DOCK2: variants seen among roughly 807,000 people sequenced by gnomAD.
DOCK2 encodes the protein dedicator of cytokinesis 2.
A neutral mutation model predicts 248.9 loss-of-function variants in DOCK2; 87 were observed. The observed-to-expected ratio is 0.35, with a 90% CI of 0.29 to 0.42. The LOEUF (loss-of-function observed/expected upper bound fraction) is 0.42, where lower values mean the gene tolerates loss of function less well. Among genes scored for constraint, DOCK2 ranks in the 10% least tolerant of loss-of-function variants. The pLI is 1.00. For missense variants in DOCK2, 1,747 were observed against 2,300.2 expected, an observed-to-expected ratio of 0.76 and a Z score of 4.92; for synonymous variants, 805 against 821.6, an observed-to-expected ratio of 0.98 and a Z score of 0.35.
Position 170,016,151 on chromosome 5 carries a change from T to G in DOCK2, c.3233-2809T>G, listed in dbSNP as rs182716875. Among the ~76,000 whole-genome samples, 4 of 152,344 alleles carry G rather than the reference T, an allele frequency of 2.6e-5. No homozygotes were observed. In the East Asian group the frequency reaches 7.7e-4, roughly 29 times the overall value. ...AGCAGATCCTCTCCCAAAGCCTGTG[T>G]AATCTGGCATTTGGATTTTTCCTGC... On this transcript the variant is annotated intron_variant, in intron 32 of 51. Transcript: ENST00000520908.
intron 27 of DOCK2, among the ~76,000 whole-genome samples, chr5:169,872,016 C>G (rs1772009417): frequency 6.6e-6 from 1 of 152,304 alleles, no homozygotes; most frequent in South Asian, 2.1e-4. Flanking sequence ...GTGGGTCCTG[C>G]TCTTTTATAA....
At chr5:170,016,133 C>A (rs1341977241) in intron 32 of DOCK2, among the ~76,000 whole-genome samples, 1 of 152,184 alleles carries the variant, frequency 6.6e-6, no homozygotes. Flanking sequence ...ATCAGCAGAT[C>A]CTCTCCCAAA....
At chr5:170,032,027 CTTTT>C (rs11362267) in intron 34 of DOCK2, among the ~76,000 whole-genome samples, 25 of 142,094 alleles carry the variant, frequency 1.8e-4, no homozygotes, top group South Asian at 9.0e-4. Context: ...ACCAGTTGTT[CTTTT>C]TTTTTTTTTT....
intron 27 of DOCK2, among the ~76,000 whole-genome samples, chr5:169,969,828 C>T (rs1221612302): frequency 2.0e-5 from 3 of 152,254 alleles, no homozygotes; most frequent in Non-Finnish European, 4.4e-5. Context: ...AAAGGGCCTG[C>T]TCTCTTCAGG....
chr5:169,808,008 GCT>G (rs1460168625), intron 26 of DOCK2, among the ~76,000 whole-genome samples: 2 of 152,076 alleles, frequency 1.3e-5, no homozygotes, highest in African/African-American at 2.4e-5. Flanking sequence ...TGTAGAATGT[GCT>G]GTTTGCTTTC....
intron 25 of DOCK2, among the ~76,000 whole-genome samples, chr5:169,789,322 G>A (rs527425733): frequency 1.3e-5 from 2 of 152,234 alleles, no homozygotes; most frequent in Non-Finnish European, 2.9e-5. Flanking sequence ...ATGTACGTGT[G>A]CATGTGTCTT....
Position 169,698,398 on chromosome 5 carries a change from A to G in DOCK2, c.1004A>G (p.Lys335Arg), listed in dbSNP as rs760215552. ...VAVMDITDII[K>R]GKAESDEEKQ... ...GTTATGGATATAACAGACATCATCA[A>G]GGGGAAAGCAGAGAGTGATGAAGAA... The change falls in exon 11 of 52, where the codon AAG becomes AGG. Residue 335 changes from lysine to arginine, a missense_variant. Transcript: ENST00000520908. The G allele has an allele frequency of 5.0e-6, 8 of 1,614,086 alleles. 1 individual carries two copies. In the Middle Eastern group the frequency reaches 8.3e-4, roughly 166 times the overall value.
At chr5:169,700,762 A>T (rs147399381) in intron 13 of DOCK2, among the ~76,000 whole-genome samples, 1 of 152,160 alleles carries the variant, frequency 6.6e-6, no homozygotes, top group African/African-American at 2.4e-5. Context: ...CCAACAAACC[A>T]GACTGAAAAT....
At chr5:169,658,864 CT>C (rs1758279656) in intron 2 of DOCK2, among the ~76,000 whole-genome samples, 1 of 151,740 alleles carries the variant, frequency 6.6e-6, no homozygotes, top group East Asian at 1.9e-4. Flanking sequence ...GACTCCATCT[CT>C]GAAAAATAAG....
At chr5:169,748,618 A>C (rs1376097415) in intron 23 of DOCK2, among the ~76,000 whole-genome samples, 1 of 151,958 alleles carries the variant, frequency 6.6e-6, no homozygotes, top group East Asian at 1.9e-4. Context: ...TAATTCTAAA[A>C]TTTATTCTCC....
At chr5:169,830,553 A>G (rs1004336196) in intron 26 of DOCK2, among the ~76,000 whole-genome samples, 4 of 152,184 alleles carry the variant, frequency 2.6e-5, no homozygotes, top group African/African-American at 4.8e-5. Flanking sequence ...TATCTGAGGC[A>G]CATCTTCATA....
chr5:169,996,292 G>C (rs147734282), intron 30 of DOCK2, 128 bp downstream of exon 30: 12 of 900,268 alleles, frequency 1.3e-5, no homozygotes, highest in Non-Finnish European at 1.8e-5. Context: ...GGATTCCCAC[G>C]GGGGGTTATG....
At chr5:169,970,810 T>C (rs1777475230) in intron 27 of DOCK2, among the ~76,000 whole-genome samples, 1 of 152,248 alleles carries the variant, frequency 6.6e-6, no homozygotes, top group Non-Finnish European at 1.5e-5. Flanking sequence ...AATAAGTTGA[T>C]CTGATATCTG....
In DOCK2 at chr5:169,910,359, A is replaced by G. The variant is rs369127099; in HGVS notation, c.2799+69507A>G. Among the ~76,000 whole-genome samples, 547 of 152,336 alleles carry G rather than the reference A, an allele frequency of 3.6e-3. 35 individuals carry two copies. The South Asian group carries it at 0.11, about 30-fold the overall frequency. On this transcript the variant is annotated intron_variant, in intron 27 of 51. Transcript: ENST00000520908. Reference sequence around the variant, plus strand: ...AGGTAAGCAAGGTCACTACAAAGTCATTTAAAATTGCATCTCAAGACAGTT... The same window carrying G: ...AGGTAAGCAAGGTCACTACAAAGTCGTTTAAAATTGCATCTCAAGACAGTT...
intron 41 of DOCK2, among the ~76,000 whole-genome samples, chr5:170,051,159 A>G (rs1431944653): frequency 6.6e-6 from 1 of 152,204 alleles, no homozygotes; most frequent in Non-Finnish European, 1.5e-5. Context: ...GACAGAAGGA[A>G]GAACACTTGT....
intron 1 of DOCK2, among the ~76,000 whole-genome samples, chr5:169,651,950 G>C (rs1214162736): frequency 6.6e-6 from 1 of 152,190 alleles, no homozygotes; most frequent in South Asian, 2.1e-4. Flanking sequence ...CCTTGTTCAG[G>C]AGATAATATA....
At chr5:170,073,706 ATTG>A (rs1757751272) in intron 46 of DOCK2, among the ~76,000 whole-genome samples, 1 of 152,022 alleles carries the variant, frequency 6.6e-6, no homozygotes, top group Non-Finnish European at 1.5e-5. Flanking sequence ...TGTAAATGGT[ATTG>A]TTTTTAAATT....
Position 169,718,805 on chromosome 5 carries a change from A to C in DOCK2, c.2267+14A>C. On this transcript the variant is annotated intron_variant, in intron 22 of 51. Coordinates refer to ENST00000520908, the MANE Select transcript of DOCK2 (RefSeq NM_004946.3). ...ATTATTTTCACAGTGAGTACTTGTT[A>C]TGTAAGAGTGATTGATTAGCTCTGC... 1.9e-6 allele frequency: 3 copies of C among 1,607,496 alleles called. No individual in the cohort carries two copies. The highest frequency in any genetic ancestry group is 2.6e-6 in the Non-Finnish European group (3 of 1,174,804).
intron 40 of DOCK2, among the ~76,000 whole-genome samples, chr5:170,048,990 G>A (rs1005514490): frequency 2.6e-5 from 4 of 152,192 alleles, no homozygotes; most frequent in Non-Finnish European, 5.9e-5. Context: ...GGGCCTGCAG[G>A]AGTGATTGCC....
Sources: allele counts gnomAD v4.1 joint callset (sites outside exome capture counted in the v4.1 genomes callset), GRCh38; gene constraint gnomAD v4.1.1; transcripts MANE v1.5; gene names NCBI Gene and HGNC (gene_info 2026-07-23, HGNC 2026-07-21).